Variants in AFG1L observed in about 807,000 individuals in gnomAD.
AFG1L encodes the protein AFG1-like ATPase.
AFG1L carries 53 observed loss-of-function variants against 62.2 expected under a neutral mutation model. The ratio of observed to expected loss-of-function variants is 0.85; its 90% CI spans 0.68 to 1.07. AFG1L has a LOEUF of 1.07. AFG1L is among the 50% of genes least tolerant of loss of function. The pLI is 0.00. For missense variants in AFG1L, 555 were observed against 590.5 expected (o/e 0.94, Z 0.62); for synonymous variants, 228 against 210.3 (o/e 1.08, Z -0.73).
chr6:108,368,339 G>C (rs1779847908), intron 6 of AFG1L, among the ~76,000 whole-genome samples: 1 of 151,966 alleles, frequency 6.6e-6, no homozygotes, highest in African/African-American at 2.4e-5. Flanking sequence ...GTGTAAATCA[G>C]ATAGGACTAA....
intron 10 of AFG1L, among the ~76,000 whole-genome samples, chr6:108,503,840 T>C (rs2114882863): frequency 6.6e-6 from 1 of 152,378 alleles, no homozygotes; most frequent in South Asian, 2.1e-4. Context: ...CTTAACTAGA[T>C]CTTGCTGCAG....
At chr6:108,364,864 CCAAAA>C (rs1190308753) in intron 5 of AFG1L, among the ~76,000 whole-genome samples, 6 of 84,302 alleles carry the variant, frequency 7.1e-5, no homozygotes, top group East Asian at 2.6e-4. Flanking sequence ...CCTGAGACAG[CCAAAA>C]AAAAAAAAAA....
At chr6:108,346,364 T>C (rs2114415296) in intron 2 of AFG1L, among the ~76,000 whole-genome samples, 1 of 151,796 alleles carries the variant, frequency 6.6e-6, no homozygotes, top group South Asian at 2.1e-4. Context: ...CCCCTTTTTC[T>C]ACTTTTTTTT....
chr6:108,397,483 T>C (rs1781372175), intron 6 of AFG1L, among the ~76,000 whole-genome samples: 1 of 151,962 alleles, frequency 6.6e-6, no homozygotes, highest in South Asian at 2.1e-4. Flanking sequence ...TCTCAAACTC[T>C]TGACCTCAAG....
rs547879240 is a variant in AFG1L, at chr6:108,464,468, C to T, written c.891-12397C>T. On this transcript the variant is annotated intron_variant, in intron 8 of 12. Transcript: ENST00000368977. The stretch of plus-strand genomic sequence containing the variant: ...AAAAATAAATCATGATTCTCATACT[C>T]GCAAAGCACTCAGGCTTTTCATCCA... Among the ~76,000 whole-genome samples the T allele has an allele frequency of 2.3e-4, 35 of 152,228 alleles. No homozygotes were observed. In the South Asian group the frequency reaches 5.2e-3, roughly 23 times the overall value.
chr6:108,377,022 A>G (rs1780277178), intron 6 of AFG1L, among the ~76,000 whole-genome samples: 1 of 152,108 alleles, frequency 6.6e-6, no homozygotes, highest in Non-Finnish European at 1.5e-5. Context: ...TGTTGGTTTA[A>G]AGTCTATTTA....
At chr6:108,499,437 CTT>C (rs1193004472) in intron 10 of AFG1L, among the ~76,000 whole-genome samples, 2 of 151,808 alleles carry the variant, frequency 1.3e-5, no homozygotes, top group African/African-American at 4.8e-5. Flanking sequence ...CTGATTAAGA[CTT>C]TTAAAATTTT....
intron 8 of AFG1L, among the ~76,000 whole-genome samples, chr6:108,473,779 G>A (rs934720827): frequency 3.3e-5 from 5 of 152,032 alleles, no homozygotes; most frequent in African/African-American, 1.2e-4. Context: ...GGCTGGTCTC[G>A]AACTCCTGAC....
At chr6:108,402,511 C>CG (rs1781679910) in intron 7 of AFG1L, among the ~76,000 whole-genome samples, 1 of 145,522 alleles carries the variant, frequency 6.9e-6, no homozygotes, top group Non-Finnish European at 1.5e-5. Context: ...CAGGGCAACA[C>CG]GGCAAAACCT....
At chr6:108,363,417 T>C (rs990956604) in intron 5 of AFG1L, among the ~76,000 whole-genome samples, 1 of 152,102 alleles carries the variant, frequency 6.6e-6, no homozygotes, top group Non-Finnish European at 1.5e-5. Context: ...TTACCTGAGG[T>C]GTTAGATACA....
chr6:108,505,381 T>C, intron 10 of AFG1L, among the ~76,000 whole-genome samples: 1 of 152,182 alleles, frequency 6.6e-6, no homozygotes, highest in Non-Finnish European at 1.5e-5. Context: ...CATGAACCAC[T>C]GCGCCCAGCC....
At chr6:108,470,008 C>G (rs1486018701) in intron 8 of AFG1L, among the ~76,000 whole-genome samples, 1 of 152,164 alleles carries the variant, frequency 6.6e-6, no homozygotes, top group East Asian at 1.9e-4. Flanking sequence ...AACTCCTCAC[C>G]TGTACATTCA....
intron 2 of AFG1L, among the ~76,000 whole-genome samples, chr6:108,329,179 A>G (rs1381908247): frequency 6.6e-6 from 1 of 151,578 alleles, no homozygotes; most frequent in East Asian, 1.9e-4. Context: ...GGCTCAAGCA[A>G]TCCTCCCATC....
At chr6:108,334,721 A>G (rs1778413158) in intron 2 of AFG1L, among the ~76,000 whole-genome samples, 1 of 152,116 alleles carries the variant, frequency 6.6e-6, no homozygotes, top group African/African-American at 2.4e-5. Flanking sequence ...TAAAGCTTTC[A>G]GCCCCCTCAG....
At chr6:108,439,859 ACAGTCTCCACT>A (rs1182283093) in intron 7 of AFG1L, among the ~76,000 whole-genome samples, 1 of 152,196 alleles carries the variant, frequency 6.6e-6, no homozygotes, top group East Asian at 1.9e-4. Flanking sequence ...ATAAAGTAAG[ACAGTCTCCACT>A]CAGTCTCCCA....
At chr6:108,471,649 T>C (rs1772902329) in intron 8 of AFG1L, among the ~76,000 whole-genome samples, 2 of 151,766 alleles carry the variant, frequency 1.3e-5, no homozygotes, top group Admixed American at 1.3e-4. Context: ...TTAGTAGAGA[T>C]GGGGTTTCAC....
At chr6:108,504,361 G>C (rs1171912225) in intron 10 of AFG1L, among the ~76,000 whole-genome samples, 1 of 152,154 alleles carries the variant, frequency 6.6e-6, no homozygotes, top group Non-Finnish European at 1.5e-5. Context: ...TTTTAATGTT[G>C]TTGTATCTCA....
At chr6:108,450,184 T>C (rs1160598556) in intron 8 of AFG1L, among the ~76,000 whole-genome samples, 1 of 152,232 alleles carries the variant, frequency 6.6e-6, no homozygotes, top group East Asian at 1.9e-4. Context: ...CACACTGACT[T>C]CCACAATGGT....
At chr6:108,303,720 A>G (rs891171152) in intron 1 of AFG1L, among the ~76,000 whole-genome samples, 2 of 152,114 alleles carry the variant, frequency 1.3e-5, no homozygotes, top group African/African-American at 2.4e-5. Flanking sequence ...TCGTTCCTCC[A>G]TTTCTTCATA....
Sources: gnomAD v4.1 joint callset for allele counts (sites outside exome capture counted in the v4.1 genomes callset) on GRCh38, gnomAD v4.1.1 for gene constraint, MANE v1.5 for transcripts, NCBI Gene and HGNC (gene_info 2026-07-23, HGNC 2026-07-21) for gene names.